The following TENM2 variants were observed in gnomAD, a reference collection of about 807,000 sequenced individuals.
TENM2 encodes the protein teneurin-2.
In TENM2, 52 loss-of-function variants were observed where a neutral mutation model predicts 245.2. The observed-to-expected ratio is 0.21, with a 90% CI of 0.17 to 0.27. The LOEUF is 0.27. TENM2 is among the 10% of genes least tolerant of loss of function. The probability of loss-of-function intolerance (pLI) is 1.00; values close to 1 mark genes in which losing one functional copy is unlikely to be tolerated. For missense variants in TENM2, 3,046 were observed against 3,666.8 expected, an observed-to-expected ratio of 0.83 and a Z score of 4.37; for synonymous variants, 1,363 against 1,438.9, an observed-to-expected ratio of 0.95 and a Z score of 1.19.
At position 167,452,675 on chromosome 5, in the gene TENM2, C is replaced by G. The variant is rs573255611; in HGVS notation, c.502+77202C>G. On this transcript the variant is annotated intron_variant, in intron 2 of 28. Transcript: ENST00000518659. ...TAACACCTCTTTTATGACATTCAATCAGATTCACTAATAACGAGCTCAGAT... is the reference window on the plus strand; with the variant it reads ...TAACACCTCTTTTATGACATTCAATGAGATTCACTAATAACGAGCTCAGAT... 7.9e-5 allele frequency among the ~76,000 whole-genome samples: 12 copies of G among 151,826 alleles called. No homozygotes were observed. The South Asian group carries it at 2.3e-3, about 29-fold the overall frequency.
intron 2 of TENM2, among the ~76,000 whole-genome samples, chr5:167,458,060 G>C (rs542805378): frequency 1.3e-5 from 2 of 152,222 alleles, no homozygotes; most frequent in East Asian, 3.9e-4. Context: ...TTTCAGGTCA[G>C]AGAAGTCAGT....
rs536847622 is a variant in TENM2 at position 168,002,430 on chromosome 5, T to C, written c.1186+9248T>C. Reference sequence around the variant, plus strand: ...CACGTTAATGAAGTTTATATTAGACTTGCTTATATTCCACAGGGAAGGGTC... The same window carrying C: ...CACGTTAATGAAGTTTATATTAGACCTGCTTATATTCCACAGGGAAGGGTC... On this transcript the variant is annotated intron_variant, in intron 5 of 28. Transcript: ENST00000518659. Among the ~76,000 whole-genome samples, 3 of 152,376 alleles carry C rather than the reference T, an allele frequency of 2.0e-5. No homozygotes were observed. The South Asian group carries it at 6.2e-4, about 32-fold the overall frequency.
At chr5:167,944,896 C>T (rs1200779910) in intron 3 of TENM2, among the ~76,000 whole-genome samples, 1 of 152,134 alleles carries the variant, frequency 6.6e-6, no homozygotes, top group East Asian at 1.9e-4. Flanking sequence ...CCAGGAAAAA[C>T]AACCAAAAAA....
intron 1 of TENM2, among the ~76,000 whole-genome samples, chr5:167,368,834 C>A (rs1415481851): frequency 6.6e-6 from 1 of 152,064 alleles, no homozygotes; most frequent in Non-Finnish European, 1.5e-5. Context: ...GACAACCTCG[C>A]TGAGAGGGAG....
At chr5:167,949,092 A>G (rs1326133017) in intron 3 of TENM2, among the ~76,000 whole-genome samples, 2 of 152,194 alleles carry the variant, frequency 1.3e-5, no homozygotes, top group African/African-American at 2.4e-5. Flanking sequence ...CGTTACTGAT[A>G]CTGAATACCA....
At chr5:167,751,073 G>A (rs1171948349) in intron 2 of TENM2, among the ~76,000 whole-genome samples, 5 of 152,158 alleles carry the variant, frequency 3.3e-5, no homozygotes, top group African/African-American at 1.2e-4. Flanking sequence ...GAGGAAAAAT[G>A]ATGTATTCCA....
At chr5:167,354,743 A>G (rs1166816603) in intron 1 of TENM2, among the ~76,000 whole-genome samples, 1 of 152,140 alleles carries the variant, frequency 6.6e-6, no homozygotes, top group African/African-American at 2.4e-5. Flanking sequence ...TGCCTTCTTC[A>G]TAGTTTTGTT....
intron 2 of TENM2, among the ~76,000 whole-genome samples, chr5:167,427,773 G>A (rs1221993694): frequency 9.1e-5 from 8 of 88,068 alleles, no homozygotes; most frequent in African/African-American, 3.0e-4. Context: ...AAGGAAGGAC[G>A]GGAAGGAAGG....
chr5:167,307,788 C>G (rs1048512269), intron 1 of TENM2: 8 of 152,204 alleles, frequency 5.3e-5, no homozygotes, highest in South Asian at 2.1e-4. Context: ...GTAGAAAGCA[C>G]GAGCCGGAAA....
intron 2 of TENM2, among the ~76,000 whole-genome samples, chr5:167,499,363 C>A (rs552831718): frequency 1.6e-4 from 25 of 152,158 alleles, no homozygotes; most frequent in Non-Finnish European, 3.2e-4. Flanking sequence ...GCTATAGCAC[C>A]AGTGCTAAAA....
intron 9 of TENM2, among the ~76,000 whole-genome samples, chr5:168,110,467 A>C (rs1794594003): frequency 6.6e-6 from 1 of 152,232 alleles, no homozygotes; most frequent in African/African-American, 2.4e-5. Context: ...GCTGAAAGCA[A>C]AGTGTCCATA....
chr5:166,984,415 G>A, the TENM2 span, among the ~76,000 whole-genome samples: 1 of 151,904 alleles, frequency 6.6e-6, no homozygotes, highest in Non-Finnish European at 1.5e-5. Flanking sequence ...TTATTGCTTA[G>A]AACTTCACTG....
intron 15 of TENM2, 25 bp from the exon 18 acceptor site, chr5:168,198,828 A>T (rs772428851): frequency 1.2e-6 from 2 of 1,608,038 alleles, no homozygotes; most frequent in South Asian, 2.2e-5. Context: ...CTACCCCCTC[A>T]TCAGCTCATT....
rs35451881 is a variant in TENM2, at chr5:167,342,507, C to CTTTTTTTTTTTT, written c.227-32671_227-32660dup. On this transcript the variant is annotated intron_variant, in intron 1 of 28. Transcript: ENST00000518659. ...CAGGTTTCTCAACTGTAAAGTTATT[C>CTTTTTTTTTTTT]TTTTTTTTTTTTTTTTTTTTTTTTT... is the stretch of plus-strand genomic sequence containing the variant. Among the ~76,000 whole-genome samples, 12 of 54,288 alleles carry CTTTTTTTTTTTT rather than the reference C, an allele frequency of 2.2e-4. 2 individuals carry two copies. Among genetic ancestry groups the CTTTTTTTTTTTT allele is most frequent in the Non-Finnish European group, 2.6e-4 (8 of 31,022 alleles). 35.6% of individuals were successfully genotyped at this position (54,288 alleles called of 152,430 possible).
At chr5:167,289,113 C>A (rs1046358975) in intron 1 of TENM2, among the ~76,000 whole-genome samples, 1 of 152,166 alleles carries the variant, frequency 6.6e-6, no homozygotes, top group Non-Finnish European at 1.5e-5. Flanking sequence ...GCCTACAATA[C>A]CTCTCTACCA....
chr5:167,597,219 C>T (rs1776287936), intron 2 of TENM2, among the ~76,000 whole-genome samples: 1 of 143,882 alleles, frequency 7.0e-6, no homozygotes, highest in African/African-American at 2.6e-5. Flanking sequence ...GGCTAGAGTG[C>T]AGTGGCACAA....
intron 4 of TENM2, among the ~76,000 whole-genome samples, chr5:167,974,024 GAAGGAAGGAAGGAGAAGGAAGGA>G (rs1562000905): frequency 1.1e-4 from 8 of 74,320 alleles, no homozygotes; most frequent in African/African-American, 2.7e-4. Flanking sequence ...AGGGAGGGAG[GAAGGAAGGAAGGAGAAGGAAGGA>G]AGGGAGGAAA....
chr5:167,934,919 A>G lies in TENM2; in HGVS notation c.713-17669A>G, dbSNP rs1188225050. 38 of 985,536 alleles carry G rather than the reference A, an allele frequency of 3.9e-5. No individual in the cohort carries two copies. The East Asian group carries it at 3.9e-3, about 100-fold the overall frequency. 61.0% of individuals were successfully genotyped at this position (985,536 alleles called of 1,614,324 possible). A position where few individuals can be genotyped will look rare whatever the true frequency, so the allele number is the denominator to read the frequency against. On this transcript the variant is annotated intron_variant, in intron 3 of 28. Coordinates refer to ENST00000518659, the Ensembl canonical transcript of TENM2. ...AGGCTGCACTGCCCTTGAGTCGTCC[A>G]GGTAGGCAGAAGGATGGCTTTTATT...
intron 1 of TENM2, among the ~76,000 whole-genome samples, chr5:167,331,900 G>A (rs964847894): frequency 6.6e-6 from 1 of 152,026 alleles, no homozygotes; most frequent in African/African-American, 2.4e-5. Flanking sequence ...GGGGCACCTG[G>A]CATTAAATAC....
Sources: gnomAD v4.1 joint callset for allele counts (sites outside exome capture counted in the v4.1 genomes callset) on GRCh38, gnomAD v4.1.1 for gene constraint, MANE v1.5 for transcripts, NCBI Gene and HGNC (gene_info 2026-07-23, HGNC 2026-07-21) for gene names.